CEP85L: variants seen among roughly 807,000 people sequenced by gnomAD.
CEP85L encodes centrosomal protein of 85 kDa-like.
CEP85L carries 60 observed loss-of-function variants against 100.3 expected under a neutral mutation model. The observed-to-expected ratio is 0.60, with a 90% CI of 0.49 to 0.74. The LOEUF (loss-of-function observed/expected upper bound fraction) is 0.74, where lower values mean the gene tolerates loss of function less well. Among genes scored for constraint, CEP85L ranks in the 30% least tolerant of loss-of-function variants. CEP85L has a pLI of 0.00. For synonymous variants in CEP85L, 319 were observed against 322.7 expected (o/e 0.99, Z 0.12); for missense variants, 973 against 936.2 (o/e 1.04, Z -0.51).
chr6:118,572,793 G>A (rs1448265721), intron 2 of CEP85L, among the ~76,000 whole-genome samples: 1 of 152,152 alleles, frequency 6.6e-6, no homozygotes, highest in African/African-American at 2.4e-5. Flanking sequence ...CGGGTGCGGT[G>A]GCTCACGCCT....
chr6:118,689,274 A>G (rs558975347), intron 1 of CEP85L, among the ~76,000 whole-genome samples: 1 of 152,320 alleles, frequency 6.6e-6, no homozygotes, highest in African/African-American at 2.4e-5. Context: ...TTCAAGTTAA[A>G]TTCTGAGTTC....
At chr6:118,506,675 G>C (rs1775679381) in intron 5 of CEP85L, among the ~76,000 whole-genome samples, 1 of 152,110 alleles carries the variant, frequency 6.6e-6, no homozygotes, top group Non-Finnish European at 1.5e-5. Flanking sequence ...TTTACCAATT[G>C]TGTATGAGCA....
At chr6:118,667,624 G>C (rs1776172794) in intron 1 of CEP85L, among the ~76,000 whole-genome samples, 1 of 152,166 alleles carries the variant, frequency 6.6e-6, no homozygotes, top group African/African-American at 2.4e-5. Flanking sequence ...AGAAAAAAGA[G>C]CCCTTTTGCA....
chr6:118,706,833 G>A (rs1325298309), intron 1 of CEP85L, among the ~76,000 whole-genome samples: 1 of 151,958 alleles, frequency 6.6e-6, no homozygotes, highest in African/African-American at 2.4e-5. Flanking sequence ...TTCTCGCTTA[G>A]CTACTCTTCC....
chr6:118,543,842 G>T (rs1442281609), intron 3 of CEP85L, among the ~76,000 whole-genome samples: 1 of 152,208 alleles, frequency 6.6e-6, no homozygotes, highest in Non-Finnish European at 1.5e-5. Context: ...ACAATCAAAT[G>T]TGCACTTGGA....
chr6:118,491,518 G>C, intron 6 of CEP85L, 168 bp downstream of exon 6: 1 of 1,364,522 alleles, frequency 7.3e-7, no homozygotes, highest in Non-Finnish European at 9.4e-7. Flanking sequence ...AAAATCCTTG[G>C]ATTTCTGCAG....
At chr6:118,634,478 A>C (rs1774364585) in intron 1 of CEP85L, among the ~76,000 whole-genome samples, 1 of 152,220 alleles carries the variant, frequency 6.6e-6, no homozygotes, top group South Asian at 2.1e-4. Context: ...TATAAAGTAT[A>C]TAAGCAGCCT....
chr6:118,486,193 T>A (rs949992399), intron 6 of CEP85L, among the ~76,000 whole-genome samples: 2 of 151,552 alleles, frequency 1.3e-5, no homozygotes, highest in Non-Finnish European at 2.9e-5. Flanking sequence ...TGGTGTTTCA[T>A]TTTTTTTTAA....
intron 3 of CEP85L, among the ~76,000 whole-genome samples, chr6:118,547,847 AT>A (rs1231582889): frequency 6.6e-6 from 1 of 152,160 alleles, no homozygotes; most frequent in Non-Finnish European, 1.5e-5. Flanking sequence ...TTGTGTAAAA[AT>A]ATTTCACTTT....
At chr6:118,651,876 T>A, upstream of CEP85L, 1 of 985,422 alleles carries the variant, frequency 1.0e-6, no homozygotes, top group Non-Finnish European at 1.2e-6. Flanking sequence ...CCTTGGGTAA[T>A]CCCTCACGCC....
chr6:118,609,479 A>G (rs1772465370), intron 2 of CEP85L, among the ~76,000 whole-genome samples: 1 of 152,218 alleles, frequency 6.6e-6, no homozygotes, highest in South Asian at 2.1e-4. Context: ...AAGTTTGACA[A>G]TCTCTTTTTA....
chr6:118,688,000 G>T (rs1368797742), intron 1 of CEP85L, among the ~76,000 whole-genome samples: 1 of 152,076 alleles, frequency 6.6e-6, no homozygotes, highest in East Asian at 1.9e-4. Context: ...TCACCGCATG[G>T]CCCAAGATTC....
At chr6:118,534,444 G>A (rs59510697) in intron 3 of CEP85L, among the ~76,000 whole-genome samples, 1,926 of 152,184 alleles carry the variant, frequency 0.013, 49 homozygotes, top group African/African-American at 0.044. Flanking sequence ...TCTGAGGTAA[G>A]GAGTTCGAGA....
At chr6:118,618,762 C>T (rs536206819) in intron 2 of CEP85L, among the ~76,000 whole-genome samples, 149 of 152,240 alleles carry the variant, frequency 9.8e-4, no homozygotes, top group African/African-American at 3.2e-3. Context: ...ATCAACCATC[C>T]CCTTTGAGCT....
chr6:118,674,797 A>T (rs905778990), intron 1 of CEP85L, among the ~76,000 whole-genome samples: 3 of 152,232 alleles, frequency 2.0e-5, no homozygotes, highest in Non-Finnish European at 2.9e-5. Context: ...TATCATTTTT[A>T]AAAAAGACAT....
intron 1 of CEP85L, among the ~76,000 whole-genome samples, chr6:118,659,652 A>G (rs1471041843): frequency 6.6e-6 from 1 of 152,100 alleles, no homozygotes; most frequent in African/African-American, 2.4e-5. Context: ...GAGAATAGAG[A>G]GAAAAGGCAA....
chr6:118,633,567 G>A (rs918154787), intron 1 of CEP85L, among the ~76,000 whole-genome samples: 4 of 152,016 alleles, frequency 2.6e-5, no homozygotes, highest in Non-Finnish European at 4.4e-5. Flanking sequence ...TTCTTTCAAT[G>A]TTTATTTCCA....
intron 2 of CEP85L, among the ~76,000 whole-genome samples, chr6:118,610,197 A>G (rs573779142): frequency 2.4e-4 from 37 of 152,320 alleles, no homozygotes; most frequent in African/African-American, 8.4e-4. Context: ...GATAACTATA[A>G]TAAGTAATAC....
chr6:118,484,571 A>C (rs1774036140), intron 6 of CEP85L, among the ~76,000 whole-genome samples: 1 of 152,216 alleles, frequency 6.6e-6, no homozygotes, highest in African/African-American at 2.4e-5. Context: ...TAAAATGCCT[A>C]AACAATGTTA....
Sources: allele counts gnomAD v4.1 joint callset (sites outside exome capture counted in the v4.1 genomes callset), GRCh38; gene constraint gnomAD v4.1.1; transcripts MANE v1.5; gene names NCBI Gene and HGNC (gene_info 2026-07-23, HGNC 2026-07-21).